The following RBFOX3 variants were observed in gnomAD, a reference collection of about 807,000 sequenced individuals.
The protein encoded by RBFOX3 is RNA binding fox-1 homolog 3.
Under a neutral mutation model 48.7 loss-of-function variants are expected in RBFOX3, and 17 were observed. The observed-to-expected ratio is 0.35, with a 90% CI of 0.24 to 0.52. The LOEUF (loss-of-function observed/expected upper bound fraction) is 0.52. Among genes scored for constraint, RBFOX3 ranks in the 20% least tolerant of loss-of-function variants. The pLI is 0.94. For synonymous variants in RBFOX3, 212 were observed against 209.5 expected (o/e 1.01, Z -0.10); for missense variants, 382 against 497.5 (o/e 0.77, Z 2.21).
chr17:79,597,869 G>A (rs2093606945), intron 1 of RBFOX3, among the ~76,000 whole-genome samples: 1 of 152,184 alleles, frequency 6.6e-6, no homozygotes. Context: ...CCTAGGCAGG[G>A]GGCATTTAGG....
intron 1 of RBFOX3, among the ~76,000 whole-genome samples, chr17:79,603,089 C>T (rs2093745331): frequency 6.7e-6 from 1 of 149,340 alleles, no homozygotes; most frequent in Non-Finnish European, 1.5e-5. Context: ...CTCCCAGGTT[C>T]AAGTGATTCT....
intron 3 of RBFOX3, among the ~76,000 whole-genome samples, chr17:79,259,565 G>A (rs2148437104): frequency 6.6e-6 from 1 of 152,330 alleles, no homozygotes; most frequent in African/African-American, 2.4e-5. Flanking sequence ...AGGACTCTGG[G>A]GGCCCAGGTG....
At chr17:79,239,016 C>T (rs1209828873) in intron 3 of RBFOX3, among the ~76,000 whole-genome samples, 1 of 152,300 alleles carries the variant, frequency 6.6e-6, no homozygotes, top group East Asian at 1.9e-4. Context: ...AAATTCCCTG[C>T]ACCTCCCCGG....
chr17:79,263,979 C>T (rs773951222), intron 3 of RBFOX3, among the ~76,000 whole-genome samples: 2 of 151,868 alleles, frequency 1.3e-5, no homozygotes, highest in Non-Finnish European at 2.9e-5. Context: ...AAGAAGGGCT[C>T]GTGGAACCAG....
chr17:79,337,546 C>T (rs919942802), intron 2 of RBFOX3, among the ~76,000 whole-genome samples: 15 of 152,212 alleles, frequency 9.9e-5, no homozygotes, highest in Non-Finnish European at 8.8e-5. Flanking sequence ...GAGGCCGAGG[C>T]GAGCAGATCA....
At position 79,479,691 on chromosome 17, in the gene RBFOX3, G is replaced by T. The variant is rs2078494813; in HGVS notation, c.-175+2763C>A. On this transcript the variant is annotated intron_variant, in intron 2 of 14. Coordinates refer to ENST00000693108, the MANE Select transcript of RBFOX3 (RefSeq NM_001350451.2). This position sits in a 1 kb window ranked among gnomAD's most constrained non-coding sequence, Gnocchi z 5.1. ...GGTGGGCTGGTCTTGTACTTTCACTGTTGATGACCCCGAGGATTTACCTAT... is the reference window on the plus strand; with the variant it reads ...GGTGGGCTGGTCTTGTACTTTCACTTTTGATGACCCCGAGGATTTACCTAT... Among the ~76,000 whole-genome samples, 1 of 152,190 alleles carries T rather than the reference G, an allele frequency of 6.6e-6. No homozygotes were observed. Among genetic ancestry groups the T allele is most frequent in the South Asian group, 2.1e-4 (1 of 4,834 alleles).
intron 1 of RBFOX3, among the ~76,000 whole-genome samples, chr17:79,539,971 G>A (rs1486890352): frequency 1.3e-5 from 2 of 152,148 alleles, no homozygotes; most frequent in East Asian, 1.9e-4. Flanking sequence ...TCTGAAATCC[G>A]GATTTCATTG....
Position 79,241,357 on chromosome 17 carries a change from A to T in RBFOX3, c.-73-5552T>A, listed in dbSNP as rs547033328. ...AGCCCTCTGCGTAACACCATCCTGC[A>T]CTTCTGGGGAGGTGATATGTGGAGA... On this transcript the variant is annotated intron_variant, in intron 3 of 14. Transcript: ENST00000693108. Among the ~76,000 whole-genome samples the T allele has an allele frequency of 3.9e-5, 6 of 152,068 alleles. No homozygotes were observed. In the South Asian group the frequency reaches 1.2e-3, roughly 32 times the overall value.
At chr17:79,440,493 C>T (rs1009351243) in intron 2 of RBFOX3, among the ~76,000 whole-genome samples, 2 of 152,130 alleles carry the variant, frequency 1.3e-5, no homozygotes, top group South Asian at 2.1e-4. Context: ...CCAGGGGAGC[C>T]GAAGCCGGTG....
At chr17:79,458,070 A>T (rs780216829) in intron 2 of RBFOX3, among the ~76,000 whole-genome samples, 419 of 152,010 alleles carry the variant, frequency 2.8e-3, no homozygotes, top group Non-Finnish European at 4.2e-3. Context: ...AGGGCGGGGG[A>T]CCCGGGTGTG....
In RBFOX3 at chr17:79,103,923, T is replaced by C. The variant is rs938276772; in HGVS notation, c.414+150A>G. 4.2e-6 allele frequency: 2 copies of C among 481,620 alleles called. No individual in the cohort carries two copies. The highest frequency in any genetic ancestry group is 6.9e-6 in the Non-Finnish European group (2 of 290,118). The allele number at this position is 481,620 out of a possible 1,614,324, so 29.8% of individuals were successfully genotyped here. A position where few individuals can be genotyped will look rare whatever the true frequency, so the allele number is the denominator to read the frequency against. On this transcript the variant is annotated intron_variant, in intron 7 of 14. Coordinates refer to ENST00000693108, the MANE Select transcript of RBFOX3 (RefSeq NM_001350451.2). The surrounding 1 kb of genome is among the most constrained non-coding windows in gnomAD (Gnocchi z 6.1). ...ACAGCTGGGGTGGGGGCGGGGCGGGTGGGGGCGGAAGAGCGGGGAATACAA... is the reference window on the plus strand; with the variant it reads ...ACAGCTGGGGTGGGGGCGGGGCGGGCGGGGGCGGAAGAGCGGGGAATACAA...
chr17:79,133,076 A>G (rs1037396263), intron 4 of RBFOX3, among the ~76,000 whole-genome samples: 8 of 152,158 alleles, frequency 5.3e-5, no homozygotes, highest in African/African-American at 1.9e-4. Flanking sequence ...GGGTGACCAA[A>G]GGCCTCCTTC....
intron 1 of RBFOX3, among the ~76,000 whole-genome samples, chr17:79,522,269 C>T (rs2086212397): frequency 6.6e-6 from 1 of 152,158 alleles, no homozygotes; most frequent in Non-Finnish European, 1.5e-5. Flanking sequence ...TGCTCTAACC[C>T]AGAGGCCCTG....
intron 4 of RBFOX3, among the ~76,000 whole-genome samples, chr17:79,117,275 G>T (rs1160083198): frequency 1.3e-5 from 2 of 152,214 alleles, no homozygotes; most frequent in Non-Finnish European, 2.9e-5. Context: ...ATGTGGATGG[G>T]TCTGACGCTC....
intron 2 of RBFOX3, among the ~76,000 whole-genome samples, chr17:79,324,066 C>G (rs1229496655): frequency 6.6e-6 from 1 of 152,180 alleles, no homozygotes; most frequent in East Asian, 1.9e-4. Context: ...ATTACTGTTC[C>G]TGGGAGCTTG....
At chr17:79,213,028 T>C (rs1384545211) in intron 4 of RBFOX3, among the ~76,000 whole-genome samples, 3 of 152,088 alleles carry the variant, frequency 2.0e-5, no homozygotes, top group Non-Finnish European at 4.4e-5. Flanking sequence ...GCTAATTTTT[T>C]GTATTTTTAG....
chr17:79,305,220 T>G (rs1178815940), intron 3 of RBFOX3, among the ~76,000 whole-genome samples: 2 of 150,558 alleles, frequency 1.3e-5, no homozygotes, highest in African/African-American at 2.4e-5. Context: ...CTTGCCTGTG[T>G]GGGGGGGAAA....
intron 4 of RBFOX3, among the ~76,000 whole-genome samples, chr17:79,169,319 G>A (rs1330062186): frequency 6.6e-6 from 1 of 152,172 alleles, no homozygotes; most frequent in African/African-American, 2.4e-5. Context: ...TGCTGGGGTA[G>A]CGGTGAGGAT....
intron 2 of RBFOX3, among the ~76,000 whole-genome samples, chr17:79,403,908 T>A (rs1450319727): frequency 6.6e-6 from 1 of 151,150 alleles, no homozygotes; most frequent in Admixed American, 6.6e-5. Flanking sequence ...GCCTCCTGAG[T>A]AGCTGGGACT....
Sources: allele counts gnomAD v4.1 joint callset (sites outside exome capture counted in the v4.1 genomes callset), GRCh38; gene constraint gnomAD v4.1.1; non-coding constraint Gnocchi (gnomAD v3.1); transcripts MANE v1.5; gene names NCBI Gene and HGNC (gene_info 2026-07-23, HGNC 2026-07-21).